The following ECT2 variants were observed in gnomAD, a reference collection of about 807,000 sequenced individuals.
The protein encoded by ECT2 is protein ECT2.
A neutral mutation model predicts 116.9 loss-of-function variants in ECT2; 61 were observed. The ratio of observed to expected loss-of-function variants is 0.52; its 90% confidence interval spans 0.42 to 0.65. The LOEUF is 0.65. ECT2 is among the 30% of genes least tolerant of loss of function. ECT2 has a pLI of 0.00. For missense variants in ECT2, 937 were observed against 1,078.7 expected (o/e 0.87, Z 1.84); for synonymous variants, 358 against 346.4 (o/e 1.03, Z -0.37).
At chr3:172,807,732 A>G (rs1560017970) in intron 21 of ECT2, 38 bp from the exon 22 acceptor site, 1 of 1,576,330 alleles carries the variant, frequency 6.3e-7, no homozygotes, top group Non-Finnish European at 8.6e-7. Context: ...TTTTCCAAGG[A>G]GTGACACTTA....
intron 13 of ECT2, among the ~76,000 whole-genome samples, chr3:172,773,486 T>A (rs1391286411): frequency 6.6e-6 from 1 of 152,166 alleles, no homozygotes. Flanking sequence ...AATCCAGTCT[T>A]TCCCCCAAGC....
chr3:172,768,381 C>A (rs183584431), intron 12 of ECT2, among the ~76,000 whole-genome samples: 4 of 152,152 alleles, frequency 2.6e-5, no homozygotes, highest in African/African-American at 7.2e-5. Flanking sequence ...GTCAAAATCT[C>A]TCTTTTTCTA....
intron 14 of ECT2, among the ~76,000 whole-genome samples, chr3:172,776,240 C>T (rs1362647537): frequency 7.7e-6 from 1 of 130,408 alleles, no homozygotes; most frequent in Admixed American, 8.8e-5. Flanking sequence ...GGCTGGAGTG[C>T]AGTGGCCTGA....
chr3:172,794,622 AAAC>A (rs201874137), intron 18 of ECT2, among the ~76,000 whole-genome samples: 20 of 151,872 alleles, frequency 1.3e-4, no homozygotes, highest in South Asian at 4.2e-4. Flanking sequence ...GTCAGTTTCC[AAAC>A]AACAACAACA....
intron 18 of ECT2, among the ~76,000 whole-genome samples, chr3:172,792,395 G>T (rs1357052318): frequency 2.0e-5 from 3 of 150,110 alleles, no homozygotes; most frequent in Admixed American, 6.6e-5. Context: ...ACAATAAAGC[G>T]AGGGATGCCT....
At chr3:172,775,487 G>A (rs1439037176) in intron 14 of ECT2, among the ~76,000 whole-genome samples, 1 of 152,120 alleles carries the variant, frequency 6.6e-6, no homozygotes, top group Non-Finnish European at 1.5e-5. Flanking sequence ...AGCTTAGAAA[G>A]CTAGAGAGTT....
intron 14 of ECT2, among the ~76,000 whole-genome samples, chr3:172,779,895 CAAA>C (rs60162451): frequency 8.4e-5 from 9 of 107,054 alleles, no homozygotes; most frequent in Admixed American, 2.0e-4. Flanking sequence ...GACCCTGTCT[CAAA>C]AAAAAAAAAA....
At chr3:172,791,355 C>G in intron 18 of ECT2, among the ~76,000 whole-genome samples, 1 of 152,198 alleles carries the variant, frequency 6.6e-6, no homozygotes, top group Non-Finnish European at 1.5e-5. Context: ...CTTTGAAGCT[C>G]TGAAACCAGG....
chr3:172,768,294 G>C (rs1027010609), intron 12 of ECT2, among the ~76,000 whole-genome samples: 3 of 151,876 alleles, frequency 2.0e-5, no homozygotes, highest in Non-Finnish European at 4.4e-5. Flanking sequence ...TATTTTAGCT[G>C]TACAAAGATT....
At chr3:172,760,460 T>A (rs760590561) in intron 7 of ECT2, among the ~76,000 whole-genome samples, 197 bp downstream of exon 7, 15 of 152,090 alleles carry the variant, frequency 9.9e-5, no homozygotes, top group Admixed American at 5.2e-4. Flanking sequence ...TCTTTTTTTT[T>A]AAATAGAGAT....
intron 18 of ECT2, among the ~76,000 whole-genome samples, chr3:172,789,922 A>C (rs1724341626): frequency 6.6e-6 from 1 of 152,182 alleles, no homozygotes; most frequent in African/African-American, 2.4e-5. Context: ...TGAACCCCTC[A>C]AAGTCATCCA....
At chr3:172,807,638 TAG>T in intron 21 of ECT2, 130 bp from the exon 22 acceptor site, 1 of 1,030,134 alleles carries the variant, frequency 9.7e-7, no homozygotes, top group East Asian at 2.5e-5. Flanking sequence ...TTATTAAAAA[TAG>T]GACAAGGAAA....
intron 13 of ECT2, among the ~76,000 whole-genome samples, chr3:172,770,760 T>G (rs1720473202): frequency 6.6e-6 from 1 of 152,226 alleles, no homozygotes; most frequent in Non-Finnish European, 1.5e-5. Flanking sequence ...ATCCAGAGGC[T>G]TCTTTATTCC....
intron 16 of ECT2, 104 bp from the exon 17 acceptor site, chr3:172,784,603 A>T: frequency 1.3e-6 from 1 of 793,956 alleles, no homozygotes; most frequent in Non-Finnish European, 2.1e-6. Flanking sequence ...CTTCTCTATT[A>T]GTTTGTATCA....
downstream of ECT2, among the ~76,000 whole-genome samples, chr3:172,826,140 C>A (rs181456566): frequency 1.0e-3 from 154 of 152,270 alleles, no homozygotes; most frequent in Non-Finnish European, 1.9e-3. Context: ...GGTCATCCGC[C>A]CACCTCGGCC....
chr3:172,828,571 G>A, the ECT2 span, among the ~76,000 whole-genome samples: 5 of 150,616 alleles, frequency 3.3e-5, no homozygotes, highest in Admixed American at 3.3e-4. Flanking sequence ...AATAGTGGGT[G>A]AAAAACAGCC....
At chr3:172,787,559 A>G (rs1386459231) in intron 18 of ECT2, among the ~76,000 whole-genome samples, 1 of 152,028 alleles carries the variant, frequency 6.6e-6, no homozygotes, top group African/African-American at 2.4e-5. Context: ...TTGCTTATGT[A>G]TTTTGTATGT....
chr3:172,794,123 T>C (rs1384804181), intron 18 of ECT2, among the ~76,000 whole-genome samples: 3 of 152,214 alleles, frequency 2.0e-5, no homozygotes, highest in Admixed American at 6.5e-5. Flanking sequence ...GCAAATTTTA[T>C]TTTAATGGAT....
At chr3:172,776,195 TTTC>T (rs1721659983) in intron 14 of ECT2, among the ~76,000 whole-genome samples, 3 of 82,692 alleles carry the variant, frequency 3.6e-5, no homozygotes, top group Admixed American at 1.7e-4. Context: ...TTTTCAGTTT[TTTC>T]TTTTTTTTTT....
Sources: gnomAD v4.1 joint callset for allele counts (sites outside exome capture counted in the v4.1 genomes callset) on GRCh38, gnomAD v4.1.1 for gene constraint, MANE v1.5 for transcripts, NCBI Gene and HGNC (gene_info 2026-07-23, HGNC 2026-07-21) for gene names.